The following RNLS variants were observed in gnomAD, a reference collection of about 807,000 sequenced individuals.
RNLS encodes renalase, FAD dependent amine oxidase.
RNLS carries 39 observed loss-of-function variants against 39.8 expected under a neutral mutation model. The observed-to-expected ratio is 0.98, with a 90% CI of 0.76 to 1.28. The LOEUF (loss-of-function observed/expected upper bound fraction) is 1.28. Among genes scored for constraint, RNLS ranks in the 50% most tolerant of loss-of-function variants. The probability of loss-of-function intolerance (pLI) is 0.00; values close to 1 mark genes in which losing one functional copy is unlikely to be tolerated. For missense variants in RNLS, 410 were observed against 413.3 expected, an observed-to-expected ratio of 0.99 and a Z score of 0.07; for synonymous variants, 147 against 150.7, an observed-to-expected ratio of 0.98 and a Z score of 0.18.
chr10:88,461,229 C>T (rs765859863), intron 4 of RNLS, among the ~76,000 whole-genome samples: 10 of 152,028 alleles, frequency 6.6e-5, no homozygotes, highest in Non-Finnish European at 1.3e-4. Flanking sequence ...CTATCCAGGG[C>T]TCAAGCAGAA....
chr10:88,362,778 T>C (rs1589651857), intron 4 of RNLS, 53 bp from the exon 5 acceptor site: 1 of 1,535,970 alleles, frequency 6.5e-7, no homozygotes, highest in South Asian at 1.2e-5. Flanking sequence ...TCTTTCCTTT[T>C]AGCACATCAA....
chr10:88,429,826 C>G (rs1855029528), intron 4 of RNLS, among the ~76,000 whole-genome samples: 1 of 151,798 alleles, frequency 6.6e-6, no homozygotes, highest in African/African-American at 2.4e-5. Flanking sequence ...GCTCTCACAT[C>G]TTTGTCAAAA....
chr10:88,583,082 C>G lies in RNLS; in HGVS notation c.109G>C (p.Glu37Gln). ...PLYLAVWDKAEDSGGRMTTAC... is the reference protein window; with the variant it reads ...PLYLAVWDKAQDSGGRMTTAC... Reference sequence around the variant, plus strand: ...CGTTTAGACAACCCACCTGAGTCCTCAGCCTTGTCCCACACAGCAAGGTAC... The same window carrying G: ...CGTTTAGACAACCCACCTGAGTCCTGAGCCTTGTCCCACACAGCAAGGTAC... The change falls in exon 1 of 7, where the codon GAG becomes CAG. Residue 37 changes from glutamate (E) to glutamine (Q), a missense_variant. Coordinates refer to ENST00000331772, the MANE Select transcript of RNLS (RefSeq NM_001031709.3). 6.2e-7 allele frequency: 1 copy of G among 1,612,476 alleles called. No homozygotes were observed. Among genetic ancestry groups the G allele is most frequent in the Non-Finnish European group, 8.5e-7 (1 of 1,179,188 alleles).
the RNLS span, among the ~76,000 whole-genome samples, chr10:88,238,943 G>A: frequency 1.8e-4 from 28 of 152,198 alleles, no homozygotes; most frequent in Admixed American, 1.6e-3. Context: ...CAGCCATGTG[G>A]TAGGATGTCT....
chr10:88,561,699 C>G (rs1390013302), intron 4 of RNLS, among the ~76,000 whole-genome samples: 1 of 151,848 alleles, frequency 6.6e-6, no homozygotes, highest in East Asian at 1.9e-4. Context: ...ACACACTTGA[C>G]TAAATAAAAA....
chr10:88,581,330 T>C (rs1850539480), intron 3 of RNLS, among the ~76,000 whole-genome samples: 1 of 139,968 alleles, frequency 7.1e-6, no homozygotes. Flanking sequence ...CTATAATATC[T>C]ATATTATAGA....
chr10:88,288,497 G>C (rs1010713830), intron 6 of RNLS, among the ~76,000 whole-genome samples: 1 of 152,114 alleles, frequency 6.6e-6, no homozygotes, highest in African/African-American at 2.4e-5. Context: ...ATACATATAT[G>C]TGTGTGTCTA....
At chr10:88,289,847 TTAA>T (rs950128576) in intron 6 of RNLS, among the ~76,000 whole-genome samples, 1 of 152,168 alleles carries the variant, frequency 6.6e-6, no homozygotes, top group Non-Finnish European at 1.5e-5. Flanking sequence ...TAGAAGACTC[TTAA>T]TAATGATGAA....
intron 4 of RNLS, among the ~76,000 whole-genome samples, chr10:88,566,725 A>T (rs1371378836): frequency 6.6e-6 from 1 of 152,212 alleles, no homozygotes; most frequent in Non-Finnish European, 1.5e-5. Flanking sequence ...AAAAGAAAAC[A>T]GAAGCTTTGA....
At chr10:88,177,271 G>C in the RNLS span, among the ~76,000 whole-genome samples, 1 of 151,870 alleles carries the variant, frequency 6.6e-6, no homozygotes. Context: ...TTATTCTTTC[G>C]TATTGTCTGC....
chr10:88,225,720 AAATAAT>A, the RNLS span, among the ~76,000 whole-genome samples: 1 of 152,260 alleles, frequency 6.6e-6, no homozygotes, highest in Non-Finnish European at 1.5e-5. Flanking sequence ...ACTCTACACA[AAATAAT>A]AATAATAAAA....
At chr10:88,516,321 AG>A (rs2134175546) in intron 4 of RNLS, among the ~76,000 whole-genome samples, 1 of 152,210 alleles carries the variant, frequency 6.6e-6, no homozygotes, top group East Asian at 1.9e-4. Context: ...GTCACAACTG[AG>A]GAAAAAATTA....
chr10:88,207,959 T>C, the RNLS span, among the ~76,000 whole-genome samples: 1 of 152,182 alleles, frequency 6.6e-6, no homozygotes, highest in Non-Finnish European at 1.5e-5. Context: ...TCATCACATA[T>C]GGAGGCTCAC....
the RNLS span, among the ~76,000 whole-genome samples, chr10:88,247,554 A>G: frequency 6.6e-6 from 1 of 152,190 alleles, no homozygotes; most frequent in Non-Finnish European, 1.5e-5. Flanking sequence ...AGGAACAATA[A>G]CAATGCCTAC....
At chr10:88,248,470 A>C in the RNLS span, among the ~76,000 whole-genome samples, 1 of 152,214 alleles carries the variant, frequency 6.6e-6, no homozygotes, top group Non-Finnish European at 1.5e-5. Context: ...GAAAGATCAC[A>C]CAGCAGGTAA....
chr10:88,392,454 G>C (rs1443736203), intron 4 of RNLS, among the ~76,000 whole-genome samples: 1 of 152,188 alleles, frequency 6.6e-6, no homozygotes, highest in African/African-American at 2.4e-5. Flanking sequence ...CTGCCTGCTG[G>C]AGTGTTCAAG....
chr10:88,339,107 T>C (rs1847739601), intron 5 of RNLS, among the ~76,000 whole-genome samples: 2 of 152,062 alleles, frequency 1.3e-5, no homozygotes, highest in Admixed American at 1.3e-4. Context: ...TTTTGGATGG[T>C]AGACATGGTG....
chr10:88,192,395 T>TA, the RNLS span, among the ~76,000 whole-genome samples: 1 of 152,208 alleles, frequency 6.6e-6, no homozygotes. Flanking sequence ...ATACACTACT[T>TA]AAAAAAATAA....
At chr10:88,226,055 G>A in the RNLS span, among the ~76,000 whole-genome samples, 3 of 152,100 alleles carry the variant, frequency 2.0e-5, no homozygotes, top group African/African-American at 7.2e-5. Context: ...ATGTTATTGT[G>A]TTGGATCAAT....
Sources: allele counts gnomAD v4.1 joint callset (sites outside exome capture counted in the v4.1 genomes callset), GRCh38; gene constraint gnomAD v4.1.1; transcripts MANE v1.5; gene names NCBI Gene and HGNC (gene_info 2026-07-23, HGNC 2026-07-21).